The following GALK2 variants were observed in gnomAD, a reference collection of about 807,000 sequenced individuals.
GALK2 encodes the protein galactokinase 2.
In GALK2, 36 loss-of-function variants were observed where a neutral mutation model predicts 52.4. The observed-to-expected ratio is 0.69, with a 90% confidence interval of 0.53 to 0.91. The LOEUF is 0.91. GALK2 is among the 40% of genes least tolerant of loss of function. The pLI is 0.00. For missense variants in GALK2, 579 were observed against 559.1 expected (o/e 1.04, Z -0.36); for synonymous variants, 176 against 199.1 (o/e 0.88, Z 0.98).
At chr15:49,278,238 G>T (rs1201712818) in intron 5 of GALK2, among the ~76,000 whole-genome samples, 3 of 152,178 alleles carry the variant, frequency 2.0e-5, no homozygotes, top group African/African-American at 7.2e-5. Context: ...TCCAGCCCGG[G>T]CGACAGAGCT....
intron 5 of GALK2, among the ~76,000 whole-genome samples, chr15:49,271,239 A>G (rs1367868608): frequency 6.6e-6 from 1 of 152,194 alleles, no homozygotes; most frequent in Non-Finnish European, 1.5e-5. Flanking sequence ...GTCTGATTCC[A>G]TCAGGCCGGC....
chr15:49,180,521 T>G (rs1187209769), intron 1 of GALK2, among the ~76,000 whole-genome samples: 1 of 152,194 alleles, frequency 6.6e-6, no homozygotes, highest in African/African-American at 2.4e-5. Context: ...CAATCCGAAT[T>G]CCACACACTA....
intron 1 of GALK2, among the ~76,000 whole-genome samples, chr15:49,190,881 A>T (rs551919449): frequency 2.0e-5 from 3 of 152,172 alleles, no homozygotes; most frequent in Non-Finnish European, 4.4e-5. Flanking sequence ...TGTTCTGACC[A>T]TGAGGCATCC....
At position 49,214,384 on chromosome 15, in the gene GALK2, A is replaced by T. The variant is rs1381910163; in HGVS notation, c.143-2806A>T. 2.8e-5 allele frequency among the ~76,000 whole-genome samples: 4 copies of T among 141,450 alleles called. No individual in the cohort carries two copies. The Admixed American group carries it at 2.9e-4, about 10-fold the overall frequency. 92.8% of individuals were successfully genotyped at this position (141,450 alleles called of 152,430 possible). ...TCTCACTCTGTCACCCAGGCTGGAT[A>T]CAGTGGCGTGATCTCGGCTCACTTC... On this transcript the variant is annotated intron_variant, in intron 2 of 9. Coordinates refer to ENST00000560031, the MANE Select transcript of GALK2 (RefSeq NM_002044.4).
chr15:49,245,065 C>T (rs552921609), intron 5 of GALK2, among the ~76,000 whole-genome samples: 1 of 151,242 alleles, frequency 6.6e-6, no homozygotes, highest in Non-Finnish European at 1.5e-5. Flanking sequence ...CATAAGTGAA[C>T]AATAATCTCA....
chr15:49,171,300 T>C (rs990443419), intron 1 of GALK2, among the ~76,000 whole-genome samples: 1 of 152,172 alleles, frequency 6.6e-6, no homozygotes, highest in African/African-American at 2.4e-5. Flanking sequence ...CAGGCTGGTC[T>C]CGAGCTCCTG....
At chr15:49,364,283 A>G (rs370003451) in intron 3 of GALK2, among the ~76,000 whole-genome samples, 263 of 152,202 alleles carry the variant, frequency 1.7e-3, no homozygotes, top group African/African-American at 6.0e-3. Flanking sequence ...TTCTGATACA[A>G]TTTCAGAACT....
At chr15:49,203,217 A>T (rs1049465467) in intron 2 of GALK2, among the ~76,000 whole-genome samples, 1 of 151,706 alleles carries the variant, frequency 6.6e-6, no homozygotes. Context: ...TGCCCAGGTA[A>T]TTTTTGTATT....
At chr15:49,237,932 G>A (rs114049500) in intron 4 of GALK2, among the ~76,000 whole-genome samples, 3,243 of 152,130 alleles carry the variant, frequency 0.021, 94 homozygotes, top group South Asian at 0.076. Context: ...TAGTTTGTTT[G>A]TATATCTGGA....
At chr15:49,254,928 A>G (rs1320001561) in intron 5 of GALK2, among the ~76,000 whole-genome samples, 1 of 144,294 alleles carries the variant, frequency 6.9e-6, no homozygotes, top group Non-Finnish European at 1.6e-5. Flanking sequence ...AGAATAGGCA[A>G]TGAACATGTA....
At chr15:49,225,658 C>G (rs979761558) in intron 3 of GALK2, among the ~76,000 whole-genome samples, 1 of 152,200 alleles carries the variant, frequency 6.6e-6, no homozygotes, top group African/African-American at 2.4e-5. Flanking sequence ...CTGGTGCTGG[C>G]TTACAAGCCT....
Position 49,227,635 on chromosome 15 carries a change from A to G in GALK2, c.267-8216A>G, listed in dbSNP as rs139753801. Among the ~76,000 whole-genome samples, 617 of 152,010 alleles carry G rather than the reference A, an allele frequency of 4.1e-3. 3 individuals are homozygous for G. The highest frequency in any genetic ancestry group is 6.7e-3 in the Non-Finnish European group (453 of 67,956). On this transcript the variant is annotated intron_variant, in intron 3 of 9. Coordinates refer to ENST00000560031, the MANE Select transcript of GALK2 (RefSeq NM_002044.4). ...GGAAAATTTAATCTTTTTACATTCAATGTTATTATTGATATGGGAGGGCTT... is the reference window on the plus strand; with the variant it reads ...GGAAAATTTAATCTTTTTACATTCAGTGTTATTATTGATATGGGAGGGCTT...
chr15:49,277,160 T>A (rs1410726430), intron 5 of GALK2, among the ~76,000 whole-genome samples: 3,629 of 24,856 alleles, frequency 0.15, 445 homozygotes, highest in African/African-American at 0.37. Flanking sequence ...TTTTTTTTTT[T>A]TTTTTTTTTT....
intron 3 of GALK2, among the ~76,000 whole-genome samples, chr15:49,224,472 A>T (rs2090010770): frequency 6.6e-6 from 1 of 152,138 alleles, no homozygotes; most frequent in Admixed American, 6.5e-5. Context: ...CTTATATTTA[A>T]ATCTTTTATC....
intron 7 of GALK2, among the ~76,000 whole-genome samples, chr15:49,288,758 G>C (rs1317084382): frequency 6.6e-6 from 1 of 152,202 alleles, no homozygotes; most frequent in Non-Finnish European, 1.5e-5. Context: ...GCTATGCTCA[G>C]CCTTACCCAG....
chr15:49,235,507 A>G, intron 3 of GALK2: 1 of 405,848 alleles, frequency 2.5e-6, no homozygotes, highest in East Asian at 7.0e-5. Context: ...GGGGTGTGCC[A>G]AACAGCAGGC....
At chr15:49,313,375 C>G (rs1411470019) in intron 8 of GALK2, among the ~76,000 whole-genome samples, 1 of 152,180 alleles carries the variant, frequency 6.6e-6, no homozygotes, top group Non-Finnish European at 1.5e-5. Context: ...TTCTAGAGAG[C>G]CAGATTCTGG....
chr15:49,214,309 A>C (rs1284035707), intron 2 of GALK2, among the ~76,000 whole-genome samples: 1 of 150,780 alleles, frequency 6.6e-6, no homozygotes. Flanking sequence ...ACTTTACCTT[A>C]ACCCCATTTC....
intron 3 of GALK2, among the ~76,000 whole-genome samples, chr15:49,354,394 G>A (rs979358277): frequency 3.9e-5 from 6 of 152,188 alleles, no homozygotes; most frequent in Non-Finnish European, 7.3e-5. Flanking sequence ...TGCGCGCACC[G>A]TGCGTGAGCC....
Sources: gnomAD v4.1 joint callset for allele counts (sites outside exome capture counted in the v4.1 genomes callset) on GRCh38, gnomAD v4.1.1 for gene constraint, MANE v1.5 for transcripts, NCBI Gene and HGNC (gene_info 2026-07-23, HGNC 2026-07-21) for gene names.